Variants in RGS7 observed in about 807,000 individuals in gnomAD.
RGS7 encodes the protein regulator of G protein signaling 7.
RGS7 carries 27 observed loss-of-function variants against 81.1 expected under a neutral mutation model. That is an observed-to-expected ratio of 0.33 (90% confidence interval 0.25 to 0.46). The LOEUF is 0.46. Ranked by LOEUF, RGS7 falls within the 20% of genes least tolerant of loss-of-function variation. The pLI is 1.00. For missense variants in RGS7, 396 were observed against 607.4 expected, an observed-to-expected ratio of 0.65 and a Z score of 3.66; for synonymous variants, 208 against 207.7, an observed-to-expected ratio of 1.00 and a Z score of -0.01.
intron 18 of RGS7, among the ~76,000 whole-genome samples, chr1:240,794,308 A>C (rs1238344583): frequency 1.3e-5 from 2 of 152,188 alleles, no homozygotes; most frequent in Non-Finnish European, 2.9e-5. Context: ...AGGACAGCCA[A>C]GCTGTCTTTT....
intron 2 of RGS7, among the ~76,000 whole-genome samples, chr1:241,198,296 G>A (rs2073234495): frequency 6.6e-6 from 1 of 151,496 alleles, no homozygotes; most frequent in Non-Finnish European, 1.5e-5. Context: ...AATCAACAAA[G>A]AGCAAATTAA....
chr1:240,798,055 G>T (rs1220395377), intron 18 of RGS7, among the ~76,000 whole-genome samples: 1 of 152,142 alleles, frequency 6.6e-6, no homozygotes, highest in African/African-American at 2.4e-5. Context: ...CTCAACAGCT[G>T]GAAGATATTG....
chr1:241,108,324 C>G lies in RGS7; in HGVS notation c.79-9562G>C, dbSNP rs768822985. On this transcript the variant is annotated intron_variant, in intron 2 of 18. Transcript: ENST00000440928. ...TCTCAAAAAAAAAAAAAAAAAAAAG[C>G]GCCAAAGAAAGACAAAAATTGATGC... Among the ~76,000 whole-genome samples, 614 of 137,522 alleles carry G rather than the reference C, an allele frequency of 4.5e-3. 3 individuals carry two copies. Among genetic ancestry groups the G allele is most frequent in the African/African-American group, 0.015 (574 of 37,062 alleles). 90.2% of individuals were successfully genotyped at this position (137,522 alleles called of 152,430 possible). A position where few individuals can be genotyped will look rare whatever the true frequency, so the allele number is the denominator to read the frequency against.
At chr1:240,960,831 C>T (rs1681310592) in intron 4 of RGS7, among the ~76,000 whole-genome samples, 1 of 152,068 alleles carries the variant, frequency 6.6e-6, no homozygotes, top group Admixed American at 6.6e-5. Flanking sequence ...TGAGACCTAA[C>T]TTTGTGGGAA....
At chr1:241,074,659 G>C (rs551158383) in intron 3 of RGS7, among the ~76,000 whole-genome samples, 189 of 152,280 alleles carry the variant, frequency 1.2e-3, no homozygotes, top group Admixed American at 3.2e-3. Flanking sequence ...CTGGCCACAA[G>C]TCTCTGACTT....
intron 2 of RGS7, among the ~76,000 whole-genome samples, chr1:241,128,193 C>T (rs1041745586): frequency 1.3e-5 from 2 of 151,358 alleles, no homozygotes; most frequent in East Asian, 1.9e-4. Flanking sequence ...AGGAGAATGA[C>T]GTGAACCGGG....
rs1690791839 is a variant in RGS7 at position 240,816,324 on chromosome 1, T to C, written c.776A>G (p.Gln259Arg). Residue 259 changes from glutamine (Q) to arginine (R), a missense_variant, in exon 11 of 19, where the codon CAA (glutamine) becomes CGA (arginine). By Grantham distance (43) the Gln-to-Arg change is conservative (BLOSUM62 1). Transcript: ENST00000440928. ...ETKPPTEDEL[Q>R]QQIKYWQIQL... is the part of the protein sequence containing the mutation. Reference sequence around the variant, plus strand: ...TCTCATAGGTTGACTCACCTGTTGTTGTAACTCATCTTCTGTTGGAGGTTT... The same window carrying C: ...TCTCATAGGTTGACTCACCTGTTGTCGTAACTCATCTTCTGTTGGAGGTTT... 6.2e-7 allele frequency: 1 copy of C among 1,605,294 alleles called. No individual in the cohort carries two copies. The highest frequency in any genetic ancestry group is 1.1e-5 in the South Asian group (1 of 90,900).
intron 6 of RGS7, among the ~76,000 whole-genome samples, chr1:240,901,220 T>G: frequency 6.6e-6 from 1 of 152,142 alleles, no homozygotes; most frequent in East Asian, 1.9e-4. Context: ...GGAAAGGGAA[T>G]TCCCCGACCC....
At chr1:241,303,191 G>C (rs1190074645) in intron 2 of RGS7, among the ~76,000 whole-genome samples, 1 of 148,526 alleles carries the variant, frequency 6.7e-6, no homozygotes. Context: ...AAAGGAGCCT[G>C]GTGGGAGGTG....
intron 2 of RGS7, among the ~76,000 whole-genome samples, chr1:241,226,139 T>C (rs1188822474): frequency 6.6e-6 from 1 of 152,022 alleles, no homozygotes; most frequent in East Asian, 1.9e-4. Context: ...TGTTCATTTG[T>C]AAAAGAAGAA....
chr1:240,995,035 T>C (rs2678785), intron 3 of RGS7, among the ~76,000 whole-genome samples: 60,315 of 151,898 alleles, frequency 0.4, 13,867 homozygotes, highest in East Asian at 0.61. Flanking sequence ...TCCTGTTTTT[T>C]GAAAGTTTTT....
intron 2 of RGS7, among the ~76,000 whole-genome samples, chr1:241,137,193 C>T (rs996663845): frequency 2.0e-5 from 3 of 152,014 alleles, no homozygotes; most frequent in Non-Finnish European, 2.9e-5. Flanking sequence ...TATCAAAGAC[C>T]GTATTTTATT....
chr1:240,895,437 CCT>C (rs1491537196), intron 6 of RGS7, among the ~76,000 whole-genome samples: 1 of 151,940 alleles, frequency 6.6e-6, no homozygotes, highest in South Asian at 2.1e-4. Context: ...ATCCCTCCCC[CCT>C]CCTCCACCCC....
At chr1:241,268,671 C>T (rs1298250938) in intron 2 of RGS7, among the ~76,000 whole-genome samples, 5 of 152,170 alleles carry the variant, frequency 3.3e-5, no homozygotes, top group Non-Finnish European at 7.4e-5. Context: ...AATTTTGCCT[C>T]GTGTTATCCT....
chr1:241,102,450 G>A (rs1219109488), intron 2 of RGS7, among the ~76,000 whole-genome samples: 1 of 152,090 alleles, frequency 6.6e-6, no homozygotes, highest in South Asian at 2.1e-4. Flanking sequence ...TCCCTAAGGG[G>A]CAAACAGAAA....
At chr1:241,167,675 C>A (rs563129972) in intron 2 of RGS7, among the ~76,000 whole-genome samples, 3 of 152,208 alleles carry the variant, frequency 2.0e-5, no homozygotes, top group East Asian at 1.9e-4. Flanking sequence ...CACACCACCA[C>A]GCCCGGCTAA....
intron 18 of RGS7, among the ~76,000 whole-genome samples, chr1:240,792,227 G>T (rs1215053262): frequency 6.6e-6 from 1 of 152,090 alleles, no homozygotes; most frequent in Admixed American, 6.5e-5. Flanking sequence ...CAGTAAACTT[G>T]GTTCAAAAAT....
intron 2 of RGS7, among the ~76,000 whole-genome samples, chr1:241,303,893 C>G (rs1257147812): frequency 6.6e-6 from 1 of 152,168 alleles, no homozygotes; most frequent in African/African-American, 2.4e-5. Flanking sequence ...GGGGGCAAGA[C>G]TTCTTCATAG....
chr1:240,931,867 G>C (rs1675496241), intron 5 of RGS7, among the ~76,000 whole-genome samples: 1 of 152,146 alleles, frequency 6.6e-6, no homozygotes, highest in Non-Finnish European at 1.5e-5. Flanking sequence ...AGCCCTGCTA[G>C]CTGAACATGC....
Sources: gnomAD v4.1 joint callset for allele counts (sites outside exome capture counted in the v4.1 genomes callset) on GRCh38, gnomAD v4.1.1 for gene constraint, MANE v1.5 for transcripts, NCBI Gene and HGNC (gene_info 2026-07-23, HGNC 2026-07-21) for gene names.